Variants in CAMK2B observed in about 807,000 individuals in gnomAD.
CAMK2B encodes the protein calcium/calmodulin dependent protein kinase II beta, also known as calcium/calmodulin-dependent protein kinase type II subunit beta.
A neutral mutation model predicts 93.7 loss-of-function variants in CAMK2B; 27 were observed. That is an observed-to-expected ratio of 0.29 (90% confidence interval 0.21 to 0.40). The LOEUF is 0.40. CAMK2B is among the 10% of genes least tolerant of loss of function. The pLI is 1.00. For synonymous variants in CAMK2B, 374 were observed against 358.8 expected (o/e 1.04, Z -0.48); for missense variants, 568 against 895.8 (o/e 0.63, Z 4.67).
At chr7:44,277,486 C>T (rs555225561) in intron 2 of CAMK2B, among the ~76,000 whole-genome samples, 14 of 152,298 alleles carry the variant, frequency 9.2e-5, no homozygotes, top group Admixed American at 5.9e-4. Context: ...CTTCCTGGAG[C>T]TGCATGCTAC....
At chr7:44,254,423 G>C in intron 5 of CAMK2B, 119 bp downstream of exon 5, 1 of 757,350 alleles carries the variant, frequency 1.3e-6, no homozygotes, top group Non-Finnish European at 2.4e-6. Flanking sequence ...CTGGGGTGTG[G>C]GTGAGCAGGG....
chr7:44,226,536 G>A lies in CAMK2B; in HGVS notation c.1577C>T (p.Pro526Leu), dbSNP rs528355050. The change falls in exon 20 of 24, where the codon CCT becomes CTT. Residue 526 changes from proline to leucine, a missense_variant. Transcript: ENST00000395749. ...CTTACATGGGGTGGGCAGGGGGCCA[G>A]GGATAGTCGGAGATGGGCAGGGCGG... ...GPPPCPSPTIPGPLPTPSRKQ... is the reference protein window; with the variant it reads ...GPPPCPSPTILGPLPTPSRKQ... 2.0e-6 allele frequency: 3 copies of A among 1,466,574 alleles called. No homozygotes were observed. Among genetic ancestry groups the A allele is most frequent in the Non-Finnish European group, 2.7e-6 (3 of 1,112,352 alleles). 90.8% of individuals were successfully genotyped at this position (1,466,574 alleles called of 1,614,324 possible).
chr7:44,270,084 C>CA (rs35351077), intron 2 of CAMK2B, among the ~76,000 whole-genome samples: 6 of 151,336 alleles, frequency 4.0e-5, no homozygotes, highest in Admixed American at 1.3e-4. Context: ...ACCCCCCCCC[C>CA]ATTCCAGGCA....
Position 44,311,496 on chromosome 7 carries a change from T to C in CAMK2B, c.65+13861A>G, listed in dbSNP as rs1218328396. On this transcript the variant is annotated intron_variant, in intron 1 of 23. Coordinates refer to ENST00000395749, the MANE Select transcript of CAMK2B (RefSeq NM_001220.5). This position sits in a 1 kb window ranked among gnomAD's most constrained non-coding sequence, Gnocchi z 4.2. ...CCTAAGGATTCCAGACAGTAAACCA[T>C]AAACTAAAAGCAATGTGTGGCTGTG... 1.3e-5 allele frequency among the ~76,000 whole-genome samples: 2 copies of C among 152,094 alleles called. No individual in the cohort carries two copies. The highest frequency in any genetic ancestry group is 2.9e-5 in the Non-Finnish European group (2 of 67,998).
intron 16 of CAMK2B, 44 bp downstream of exon 16, chr7:44,232,778 G>A: frequency 1.9e-6 from 3 of 1,590,180 alleles, no homozygotes; most frequent in Non-Finnish European, 2.6e-6. Context: ...CTGGCCTGGA[G>A]CCTCCTGCCT....
At chr7:44,278,090 CA>C (rs2129079442) in intron 2 of CAMK2B, among the ~76,000 whole-genome samples, 1 of 152,304 alleles carries the variant, frequency 6.6e-6, no homozygotes, top group African/African-American at 2.4e-5. Flanking sequence ...GAGAAACAGC[CA>C]GGGGCGCCTG....
intron 2 of CAMK2B, among the ~76,000 whole-genome samples, chr7:44,269,836 G>A (rs2096956887): frequency 6.6e-6 from 1 of 152,142 alleles, no homozygotes; most frequent in Non-Finnish European, 1.5e-5. Flanking sequence ...GCTGGGGGAT[G>A]CAGCTGGGGC....
At chr7:44,249,953 AGCATTGGTTCT>A (rs1438714556) in intron 5 of CAMK2B, among the ~76,000 whole-genome samples, 4 of 152,170 alleles carry the variant, frequency 2.6e-5, no homozygotes, top group Non-Finnish European at 5.9e-5. Context: ...CTATGGGGAC[AGCATTGGTTCT>A]GCACCTCTCC....
chr7:44,229,583 C>A, intron 17 of CAMK2B, 82 bp from the exon 18 acceptor site: 1 of 531,188 alleles, frequency 1.9e-6, no homozygotes, highest in Non-Finnish European at 3.0e-6. Flanking sequence ...AGGGGGAGGC[C>A]AGGAGGGAGG....
chr7:44,250,783 C>T (rs2096773610), intron 5 of CAMK2B, among the ~76,000 whole-genome samples: 1 of 152,232 alleles, frequency 6.6e-6, no homozygotes, highest in African/African-American at 2.4e-5. Flanking sequence ...CCGCCTCGGC[C>T]TCCCAGAGTG....
chr7:44,217,348 A>G lies in CAMK2B; in HGVS notation c.*2177T>C, dbSNP rs534467801. 34 of 152,452 alleles carry G rather than the reference A, an allele frequency of 2.2e-4. No homozygotes were observed. The highest frequency in any genetic ancestry group is 8.2e-4 in the African/African-American group (34 of 41,516). 9.4% of individuals were successfully genotyped at this position (152,452 alleles called of 1,614,324 possible). On this transcript the variant is annotated 3_prime_UTR_variant, in exon 24 of 24. Coordinates refer to ENST00000395749, the MANE Select transcript of CAMK2B (RefSeq NM_001220.5). ...CGGCCGCCACCACCACACCGCGGAC[A>G]CCTAGCTAGCAGACCGGTGTGGCTT...
intron 1 of CAMK2B, among the ~76,000 whole-genome samples, chr7:44,309,043 GAGCCCTGCCC>G (rs957865444): frequency 6.6e-6 from 1 of 152,222 alleles, no homozygotes; most frequent in Non-Finnish European, 1.5e-5. Flanking sequence ...ACGGACCCCA[GAGCCCTGCCC>G]AGCACTGCCC....
chr7:44,255,613 C>A (rs1360204952), intron 4 of CAMK2B, among the ~76,000 whole-genome samples: 5 of 152,218 alleles, frequency 3.3e-5, no homozygotes, highest in Non-Finnish European at 5.9e-5. Context: ...CACTGCACTG[C>A]CCAGGTGCTG....
chr7:44,239,478 G>T, intron 13 of CAMK2B, 111 bp downstream of exon 13: 2 of 935,978 alleles, frequency 2.1e-6, no homozygotes, highest in Non-Finnish European at 1.6e-6. Context: ...GGGGCCTGGC[G>T]GCCTCTGGGG....
At chr7:44,264,291 C>T (rs2129042733) in intron 2 of CAMK2B, among the ~76,000 whole-genome samples, 1 of 152,308 alleles carries the variant, frequency 6.6e-6, no homozygotes, top group Middle Eastern at 3.4e-3. Flanking sequence ...AACTTGTCCA[C>T]CTGCAGGAAG....
intron 12 of CAMK2B, among the ~76,000 whole-genome samples, chr7:44,240,403 G>A (rs1213528382): frequency 4.6e-5 from 7 of 152,192 alleles, no homozygotes; most frequent in South Asian, 2.1e-4. Context: ...CCCGACAAAC[G>A]CCTGGACAGA....
intron 2 of CAMK2B, among the ~76,000 whole-genome samples, chr7:44,278,116 G>A (rs538565951): frequency 6.6e-6 from 1 of 152,354 alleles, no homozygotes; most frequent in African/African-American, 2.4e-5. Context: ...GGGGCCTGGG[G>A]AGTTCCAGGC....
At chr7:44,270,897 T>A (rs1307101871) in intron 2 of CAMK2B, among the ~76,000 whole-genome samples, 1 of 152,230 alleles carries the variant, frequency 6.6e-6, no homozygotes, top group African/African-American at 2.4e-5. Flanking sequence ...ATCACAGGCA[T>A]GAGAGAACTT....
intron 1 of CAMK2B, among the ~76,000 whole-genome samples, chr7:44,292,511 G>A (rs897408833): frequency 1.3e-5 from 2 of 152,166 alleles, no homozygotes; most frequent in African/African-American, 2.4e-5. Flanking sequence ...TTCATAGGAC[G>A]TTAACAGATG....
Sources: gnomAD v4.1 joint callset for allele counts (sites outside exome capture counted in the v4.1 genomes callset) on GRCh38, gnomAD v4.1.1 for gene constraint, Gnocchi (gnomAD v3.1) non-coding constraint, MANE v1.5 for transcripts, NCBI Gene and HGNC (gene_info 2026-07-23, HGNC 2026-07-21) for gene names.